Variants in PPFIA4 observed in about 807,000 individuals in gnomAD.
PPFIA4 encodes PPFI scaffold protein A4.
PPFIA4 carries 98 observed loss-of-function variants against 145.7 expected under a neutral mutation model. The observed-to-expected ratio is 0.67, with a 90% CI of 0.57 to 0.80. The LOEUF is 0.80. Ranked by LOEUF, PPFIA4 falls within the 30% of genes least tolerant of loss-of-function variation. The pLI, the probability that PPFIA4 is intolerant of heterozygous loss-of-function variation, is 0.00. For missense variants in PPFIA4, 1,457 were observed against 1,632.7 expected (o/e 0.89, Z 1.85); for synonymous variants, 628 against 649.6 (o/e 0.97, Z 0.51).
chr1:203,044,736 C>G lies in PPFIA4; in HGVS notation c.617C>G (p.Ala206Gly). Residue 206 changes from alanine to glycine, a missense_variant, in exon 6 of 30, where the codon GCG becomes GGG. Transcript: ENST00000295706. Reference protein sequence around the residue: ...LQQGAGVRDGAAEEEGTVELG... With the variant: ...LQQGAGVRDGGAEEEGTVELG... Reference sequence around the variant, plus strand: ...CAGGGGGCAGGGGTGCGGGATGGAGCGGCAGAAGAGGAGGGGACTGTGGAG... The same window carrying G: ...CAGGGGGCAGGGGTGCGGGATGGAGGGGCAGAAGAGGAGGGGACTGTGGAG... 3 of 1,565,226 alleles carry G rather than the reference C, an allele frequency of 1.9e-6. No homozygotes were observed. Among genetic ancestry groups the G allele is most frequent in the Non-Finnish European group, 2.6e-6 (3 of 1,155,162 alleles).
intron 28 of PPFIA4, among the ~76,000 whole-genome samples, chr1:203,074,869 G>A (rs984796559): frequency 1.3e-5 from 2 of 152,086 alleles, no homozygotes; most frequent in African/African-American, 4.8e-5. Context: ...CAGGTGGCAG[G>A]GGGCTGCCTG....
At chr1:203,037,296 C>G in intron 1 of PPFIA4, 1 of 176,704 alleles carries the variant, frequency 5.7e-6, no homozygotes, top group South Asian at 8.4e-5. Context: ...ACACTGGGTC[C>G]TGATGCTTCT....
Position 203,060,267 on chromosome 1 carries a change from C to G in PPFIA4, c.2634C>G (p.Val878=), listed in dbSNP as rs1255516336. The change falls in exon 22 of 30, where the codon GTC becomes GTG. Residue 878 remains valine, a synonymous_variant. Coordinates refer to ENST00000295706, the MANE Select transcript of PPFIA4 (RefSeq NM_001304331.2). The surrounding 1 kb of genome is among the most constrained non-coding windows in gnomAD (Gnocchi z 4.8). ...AWYVAACRAN[V]KSGAIMSALS... ...ATGTGGCAGCCTGCCGGGCCAACGT[C>G]AAGAGTGGTGCCATCATGTCCGCTC... is the stretch of plus-strand genomic sequence containing the variant. 1 of 1,614,174 alleles carries G rather than the reference C, an allele frequency of 6.2e-7. No homozygotes were observed. Among genetic ancestry groups the G allele is most frequent in the Admixed American group, 1.7e-5 (1 of 60,032 alleles).
At chr1:203,057,969 G>T (rs1378039838) in intron 19 of PPFIA4, among the ~76,000 whole-genome samples, 4 of 152,180 alleles carry the variant, frequency 2.6e-5, no homozygotes, top group Admixed American at 2.6e-4. Flanking sequence ...TTGAGAAGGA[G>T]GAGGGTGGGC....
At chr1:203,054,671 G>GAC (rs57027876) in intron 15 of PPFIA4, among the ~76,000 whole-genome samples, 4,508 of 148,334 alleles carry the variant, frequency 0.03, 143 homozygotes, top group African/African-American at 0.08. Flanking sequence ...TTACAAAGAA[G>GAC]ACACACACAC....
At chr1:203,063,520 A>G (rs1661533185) in intron 24 of PPFIA4, 4 of 306,734 alleles carry the variant, frequency 1.3e-5, no homozygotes, top group African/African-American at 2.2e-5. Flanking sequence ...CGCAAATGCA[A>G]CCCAGAGTCA....
intron 27 of PPFIA4, among the ~76,000 whole-genome samples, chr1:203,069,173 C>A (rs939141547): frequency 1.3e-5 from 2 of 152,226 alleles, no homozygotes; most frequent in African/African-American, 4.8e-5. Context: ...TTAAACATCT[C>A]ATGAAATTAC....
In PPFIA4 at chr1:203,068,449, C is replaced by G. The variant is rs1661887185; in HGVS notation, c.3149-4C>G. The G allele has an allele frequency of 1.3e-6, 2 of 1,597,082 alleles. No homozygotes were observed. Among genetic ancestry groups the G allele is most frequent in the Non-Finnish European group, 1.7e-6 (2 of 1,171,702 alleles). On this transcript the variant is annotated splice_polypyrimidine_tract_variant and splice_region_variant and intron_variant, in intron 26 of 29. Transcript: ENST00000295706. The surrounding 1 kb of genome is among the most constrained non-coding windows in gnomAD (Gnocchi z 4.7). ...TCCGTCCCTTTTCTTCCCCCACACT[C>G]CAGATGTGTTAGTCTGGACCAACGA...
chr1:203,047,309 A>G (rs139117197), intron 9 of PPFIA4, among the ~76,000 whole-genome samples: 3 of 151,984 alleles, frequency 2.0e-5, no homozygotes, highest in African/African-American at 4.8e-5. Flanking sequence ...CCTTATCACT[A>G]TGTTGGAGTT....
rs777230419 is a variant in PPFIA4 at position 203,075,714 on chromosome 1, C to A, written c.3531C>A (p.Thr1177=). Residue 1177 remains threonine (T), a synonymous_variant, in exon 29 of 30, where the codon ACC becomes ACA. Coordinates refer to ENST00000295706, the MANE Select transcript of PPFIA4 (RefSeq NM_001304331.2). This position sits in a 1 kb window ranked among gnomAD's most constrained non-coding sequence, Gnocchi z 4.1. ...PAGFRVSTLG[T]LQPPPAPPKK... is the part of the protein sequence containing the mutation. ...GCTTCCGTGTGTCCACCCTGGGGACCCTGCAGCCCCCACCGGCCCCGCCAA... is the reference window on the plus strand; with the variant it reads ...GCTTCCGTGTGTCCACCCTGGGGACACTGCAGCCCCCACCGGCCCCGCCAA... 48 of 1,408,818 alleles carry A rather than the reference C, an allele frequency of 3.4e-5. No homozygotes were observed. The highest frequency in any genetic ancestry group is 4.2e-5 in the Non-Finnish European group (45 of 1,075,326). The allele number at this position is 1,408,818 out of a possible 1,614,324, so 87.3% of individuals were successfully genotyped here.
At position 203,075,524 on chromosome 1, in the gene PPFIA4, A is replaced by G; in HGVS notation, c.3394-53A>G. ...ACTGGCCCCCTCCAGGCAGGGCGTG[A>G]GGATGGCAATTCCAACAGGGCCCTC... On this transcript the variant is annotated intron_variant, in intron 28 of 29. Transcript: ENST00000295706. This position sits in a 1 kb window ranked among gnomAD's most constrained non-coding sequence, Gnocchi z 4.1. 2.2e-6 allele frequency: 3 copies of G among 1,340,148 alleles called. No homozygotes were observed. The highest frequency in any genetic ancestry group is 1.9e-6 in the Non-Finnish European group (2 of 1,037,436). 83.0% of individuals were successfully genotyped at this position (1,340,148 alleles called of 1,614,324 possible).
chr1:203,053,469 G>T (rs865889981), intron 14 of PPFIA4, among the ~76,000 whole-genome samples: 2 of 150,070 alleles, frequency 1.3e-5, no homozygotes, highest in Non-Finnish European at 3.0e-5. Context: ...GGAGGCGGAG[G>T]TTGCAGTGAG....
chr1:203,035,177 T>C, intron 1 of PPFIA4: 1 of 407,988 alleles, frequency 2.5e-6, no homozygotes, highest in Non-Finnish European at 5.0e-6. Flanking sequence ...CTGTTTTCCC[T>C]CGTGGCTGCC....
Position 203,055,422 on chromosome 1 carries a change from T to C in PPFIA4, c.1830-10T>C. On this transcript the variant is annotated splice_polypyrimidine_tract_variant and intron_variant, in intron 15 of 29. Transcript: ENST00000295706. This position sits in a 1 kb window ranked among gnomAD's most constrained non-coding sequence, Gnocchi z 4.8. ...GCTAGTGGTGAGGTCTGGTTTTGCC[T>C]CCCTTCCAGGATGATTCAGGAAGAG... The C allele has an allele frequency of 6.2e-7, 1 of 1,613,314 alleles. No individual in the cohort carries two copies.
At chr1:203,058,909 G>A (rs1313600732) in intron 19 of PPFIA4, among the ~76,000 whole-genome samples, 1 of 152,130 alleles carries the variant, frequency 6.6e-6, no homozygotes, top group Non-Finnish European at 1.5e-5. Flanking sequence ...TTCTAGGGTC[G>A]ATAACTTGGG....
In PPFIA4 at chr1:203,068,361, C is replaced by A. The variant is rs1661880539; in HGVS notation, c.3149-92C>A. 4 of 1,174,844 alleles carry A rather than the reference C, an allele frequency of 3.4e-6. No individual in the cohort carries two copies. In the South Asian group the frequency reaches 4.8e-5, roughly 14 times the overall value. The allele number at this position is 1,174,844 out of a possible 1,614,324, so 72.8% of individuals were successfully genotyped here. A position where few individuals can be genotyped will look rare whatever the true frequency, so the allele number is the denominator to read the frequency against. On this transcript the variant is annotated intron_variant, in intron 26 of 29. Transcript: ENST00000295706. The surrounding 1 kb of genome is among the most constrained non-coding windows in gnomAD (Gnocchi z 4.7). ...GGTCAGAGAGCAGGGTGGACTGCGGCTCTGGGTTTAGGGAGCTCTGCTTCT... is the reference window on the plus strand; with the variant it reads ...GGTCAGAGAGCAGGGTGGACTGCGGATCTGGGTTTAGGGAGCTCTGCTTCT...
chr1:203,059,813 G>A lies in PPFIA4; in HGVS notation c.2545G>A (p.Ala849Thr), dbSNP rs1371865627. ...EDARRKGMPF[A>T]QWDGPTVVSW... is the part of the protein sequence containing the mutation. ...TGCCCGCAGGAAAGGAATGCCCTTT[G>A]CCCAGTGGGATGGTCCTACTGTGGT... The change falls in exon 21 of 30, where the codon GCC becomes ACC. Residue 849 changes from alanine (A) to threonine (T), a missense_variant. Around this residue, in one of 3 missense-constraint regions of PPFIA4, gnomAD observed 848 missense variants for 1,046.7 expected, o/e 0.81. Transcript: ENST00000295706. 3.1e-6 allele frequency: 5 copies of A among 1,613,314 alleles called. No homozygotes were observed. The highest frequency in any genetic ancestry group is 4.2e-6 in the Non-Finnish European group (5 of 1,179,712).
intron 27 of PPFIA4, among the ~76,000 whole-genome samples, chr1:203,069,798 G>A (rs1662014403): frequency 1.6e-5 from 2 of 122,730 alleles, no homozygotes; most frequent in African/African-American, 6.4e-5. Context: ...AAATAGATAG[G>A]ACAGATCCCT....
chr1:203,060,515 C>T lies in PPFIA4; in HGVS notation c.2784+98C>T, dbSNP rs932393963. Reference sequence around the variant, plus strand: ...CTTTGGGAAGATGGCAGCATTGAGCCCTGCCCCTTCCTTCCCATCCTCACA... The same window carrying T: ...CTTTGGGAAGATGGCAGCATTGAGCTCTGCCCCTTCCTTCCCATCCTCACA... On this transcript the variant is annotated intron_variant, in intron 22 of 29. Coordinates refer to ENST00000295706, the MANE Select transcript of PPFIA4 (RefSeq NM_001304331.2). The surrounding 1 kb of genome is among the most constrained non-coding windows in gnomAD (Gnocchi z 4.8). 7 of 1,225,936 alleles carry T rather than the reference C, an allele frequency of 5.7e-6. No homozygotes were observed. In the Admixed American group the frequency reaches 1.3e-4, roughly 22 times the overall value. The allele number at this position is 1,225,936 out of a possible 1,614,324, so 75.9% of individuals were successfully genotyped here. A position where few individuals can be genotyped will look rare whatever the true frequency, so the allele number is the denominator to read the frequency against.
Sources: allele counts gnomAD v4.1 joint callset (sites outside exome capture counted in the v4.1 genomes callset), GRCh38; gene constraint gnomAD v4.1.1; regional missense constraint gnomAD v4.1.1; non-coding constraint Gnocchi (gnomAD v3.1); transcripts MANE v1.5; gene names NCBI Gene and HGNC (gene_info 2026-07-23, HGNC 2026-07-21).